Variants in TFAP2A observed in about 807,000 individuals in gnomAD.
TFAP2A encodes transcription factor AP-2-alpha.
A neutral mutation model predicts 41.5 loss-of-function variants in TFAP2A; 7 were observed. The observed-to-expected ratio is 0.17, with a 90% CI of 0.10 to 0.32. The LOEUF is 0.32. Among genes scored for constraint, TFAP2A ranks in the 10% least tolerant of loss-of-function variants. The probability of loss-of-function intolerance (pLI) is 1.00; values close to 1 mark genes in which losing one functional copy is unlikely to be tolerated. For synonymous variants in TFAP2A, 247 were observed against 242.8 expected (o/e 1.02, Z -0.16); for missense variants, 416 against 563.3 (o/e 0.74, Z 2.65).
At position 10,404,421 on chromosome 6, in the gene TFAP2A, T is replaced by C. The variant is rs895807466; in HGVS notation, c.770+87A>G. 6 of 970,256 alleles carry C rather than the reference T, an allele frequency of 6.2e-6. No individual in the cohort carries two copies. The East Asian group carries it at 2.1e-4, about 34-fold the overall frequency. 60.1% of individuals were successfully genotyped at this position (970,256 alleles called of 1,614,324 possible). ...GTAGGGAGGGCCGCGGCGCGAGGCC[T>C]GTTTGCGTCGCCGCCACCGCCCCGG... is the stretch of plus-strand genomic sequence containing the variant. On this transcript the variant is annotated intron_variant, in intron 4 of 6. Coordinates refer to ENST00000379613, the MANE Select transcript of TFAP2A (RefSeq NM_001372066.1).
chr6:10,419,421 C>T, upstream of TFAP2A: 2 of 1,614,152 alleles, frequency 1.2e-6, no homozygotes, highest in Non-Finnish European at 1.7e-6. Flanking sequence ...CCCGTACCTG[C>T]CAGTCCCCCA....
In TFAP2A at chr6:10,398,347, T is replaced by C. The variant is rs1581255504; in HGVS notation, c.*70A>G. Reference sequence around the variant, plus strand: ...CAGGAAGGGTTGCTGATCCCGGAGCTGTCACCCGCCGGAGGGTGGGCGCGC... The same window carrying C: ...CAGGAAGGGTTGCTGATCCCGGAGCCGTCACCCGCCGGAGGGTGGGCGCGC... On this transcript the variant is annotated 3_prime_UTR_variant, in exon 7 of 7. Transcript: ENST00000379613. This position sits in a 1 kb window ranked among gnomAD's most constrained non-coding sequence, Gnocchi z 5.3. 6.3e-7 allele frequency: 1 copy of C among 1,586,778 alleles called. No homozygotes were observed. Among genetic ancestry groups the C allele is most frequent in the African/African-American group, 1.5e-5 (1 of 68,480 alleles).
At position 10,403,929 on chromosome 6, in the gene TFAP2A, T is replaced by C. The variant is rs994610091; in HGVS notation, c.770+579A>G. Among the ~76,000 whole-genome samples, 7 of 152,162 alleles carry C rather than the reference T, an allele frequency of 4.6e-5. No individual in the cohort carries two copies. In the East Asian group the frequency reaches 9.6e-4, roughly 21 times the overall value. On this transcript the variant is annotated intron_variant, in intron 4 of 6. Transcript: ENST00000379613. ...AATCATCATCATATGCAAACGCCTA[T>C]AGTATGGGGGTCTGGAGATGACAGC...
intron 1 of TFAP2A, among the ~76,000 whole-genome samples, chr6:10,411,175 C>T (rs1757951517): frequency 6.6e-6 from 1 of 152,034 alleles, no homozygotes; most frequent in African/African-American, 2.4e-5. Context: ...GAACCCTCGG[C>T]GGTTCGGCCG....
intron 3 of TFAP2A, chr6:10,405,091 G>A (rs1186784981): frequency 3.1e-6 from 1 of 323,640 alleles, no homozygotes; most frequent in East Asian, 5.9e-5. Flanking sequence ...CCCCAGATGA[G>A]GTCCAGGACC....
At chr6:10,411,555 G>A in intron 1 of TFAP2A, 1 of 1,614,034 alleles carries the variant, frequency 6.2e-7, no homozygotes, top group Non-Finnish European at 8.5e-7. Flanking sequence ...CAACGGGGGT[G>A]GGGATGGGAC....
upstream of TFAP2A, chr6:10,415,229 A>T: frequency 1.4e-6 from 2 of 1,461,564 alleles, no homozygotes; most frequent in Middle Eastern, 4.9e-4. Flanking sequence ...GAAGGGAAAG[A>T]GCTCCCGTGT....
At chr6:10,407,023 AG>A in intron 2 of TFAP2A, 179 bp from the exon 3 acceptor site, 1 of 645,736 alleles carries the variant, frequency 1.5e-6, no homozygotes, top group African/African-American at 1.8e-5. Context: ...GCAACTCAAG[AG>A]GTTTCACTGC....
At chr6:10,411,677 G>A (rs747485366) in intron 1 of TFAP2A, 209 of 1,606,036 alleles carry the variant, frequency 1.3e-4, no homozygotes, top group Non-Finnish European at 1.7e-4. Context: ...CCGCCCGAGC[G>A]CGCCCCACAC....
rs569998230 is a variant in TFAP2A, at chr6:10,405,077, T to C, written c.539-338A>G. ...TGAGGCGCTGAGCATCCGAGCGGAG[T>C]GGGCCCCAGATGAGGTCCAGGACCA... On this transcript the variant is annotated intron_variant, in intron 3 of 6. Coordinates refer to ENST00000379613, the MANE Select transcript of TFAP2A (RefSeq NM_001372066.1). The C allele has an allele frequency of 1.9e-5, 7 of 374,950 alleles. No homozygotes were observed. In the South Asian group the frequency reaches 2.1e-4, roughly 11 times the overall value. 23.2% of individuals were successfully genotyped at this position (374,950 alleles called of 1,614,324 possible).
intron 1 of TFAP2A, chr6:10,412,361 T>C: frequency 1.1e-6 from 1 of 896,648 alleles, no homozygotes; most frequent in Non-Finnish European, 1.3e-6. Context: ...AGGGAGAATG[T>C]GTCTGCGTGC....
At position 10,397,740 on chromosome 6, in the gene TFAP2A, G is replaced by T; in HGVS notation, c.*677C>A. Reference sequence around the variant, plus strand: ...CACATAAATAAATATATACAGAGACGTGAACACTGATTCCCTTATATAACT... The same window carrying T: ...CACATAAATAAATATATACAGAGACTTGAACACTGATTCCCTTATATAACT... On this transcript the variant is annotated 3_prime_UTR_variant, in exon 7 of 7. Transcript: ENST00000379613. 4.5e-6 allele frequency: 2 copies of T among 444,458 alleles called. No homozygotes were observed. The highest frequency in any genetic ancestry group is 1.6e-4 in the East Asian group (1 of 6,428). 27.5% of individuals were successfully genotyped at this position (444,458 alleles called of 1,614,324 possible).
At position 10,406,727 on chromosome 6, in the gene TFAP2A, G is replaced by A. The variant is rs1561710967; in HGVS notation, c.538+66C>T. The A allele has an allele frequency of 3.6e-6, 5 of 1,370,758 alleles. No homozygotes were observed. The Admixed American group carries it at 5.0e-5, about 14-fold the overall frequency. The allele number at this position is 1,370,758 out of a possible 1,614,324, so 84.9% of individuals were successfully genotyped here. On this transcript the variant is annotated intron_variant, in intron 3 of 6. Transcript: ENST00000379613. ...ATTTGGAAAAAATAAACACATCTCT[G>A]CAAGTTCTTTTAAATAGCACTCTGC...
At chr6:10,419,218 C>G (rs1428229796), upstream of TFAP2A, among the ~76,000 whole-genome samples, 1 of 152,194 alleles carries the variant, frequency 6.6e-6, no homozygotes, top group African/African-American at 2.4e-5. Flanking sequence ...CGCTTTGCGC[C>G]CAGCACCGCA....
At chr6:10,410,359 T>TA in intron 1 of TFAP2A, 24 bp from the exon 2 acceptor site, 1 of 1,594,128 alleles carries the variant, frequency 6.3e-7, no homozygotes, top group African/African-American at 1.3e-5. Flanking sequence ...AGAGGAAAGG[T>TA]AAAGAACAAG....
chr6:10,417,758 C>G (rs1360017896), upstream of TFAP2A, among the ~76,000 whole-genome samples: 1 of 152,196 alleles, frequency 6.6e-6, no homozygotes, highest in Non-Finnish European at 1.5e-5. Context: ...CCCCTCCGGG[C>G]CCCAAATCCG....
Position 10,398,176 on chromosome 6 carries a change from G to A in TFAP2A, c.*241C>T, listed in dbSNP as rs1761853775. ...TTAGGCTCCACATGAGGGCACAGGG[G>A]TGTGGGAGCGGGTGGGGAGGTCGAG... On this transcript the variant is annotated 3_prime_UTR_variant, in exon 7 of 7. Transcript: ENST00000379613. This position sits in a 1 kb window ranked among gnomAD's most constrained non-coding sequence, Gnocchi z 5.3. 2 of 1,442,164 alleles carry A rather than the reference G, an allele frequency of 1.4e-6. No individual in the cohort carries two copies. Among genetic ancestry groups the A allele is most frequent in the South Asian group, 1.4e-5 (1 of 70,280 alleles). 89.3% of individuals were successfully genotyped at this position (1,442,164 alleles called of 1,614,324 possible).
Position 10,406,765 on chromosome 6 carries a change from G to A in TFAP2A, c.538+28C>T, listed in dbSNP as rs770567640. On this transcript the variant is annotated intron_variant, in intron 3 of 6. Transcript: ENST00000379613. ...AATAGCACTCTGCCTGTAAGGACAT[G>A]CTTGGAATGCAGAAGGAAATGGCTT... 1.9e-6 allele frequency: 3 copies of A among 1,592,060 alleles called. No individual in the cohort carries two copies. The South Asian group carries it at 3.3e-5, about 18-fold the overall frequency.
At chr6:10,418,652 G>A (rs916334924), upstream of TFAP2A, 1 of 152,360 alleles carries the variant, frequency 6.6e-6, no homozygotes. Context: ...AAGGACAGGA[G>A]CCAAGCCTTG....
Sources: gnomAD v4.1 joint callset for allele counts (sites outside exome capture counted in the v4.1 genomes callset) on GRCh38, gnomAD v4.1.1 for gene constraint, Gnocchi (gnomAD v3.1) non-coding constraint, MANE v1.5 for transcripts, NCBI Gene and HGNC (gene_info 2026-07-23, HGNC 2026-07-21) for gene names.